C11orf54: variants seen among roughly 807,000 people sequenced by gnomAD.
The protein encoded by C11orf54 is beta-keto-L-gulonate decarboxylase, also known as beta-keto L-gulonate decarboxylase.
C11orf54 carries 29 observed loss-of-function variants against 35.5 expected under a neutral mutation model. That is an observed-to-expected ratio of 0.82 (90% confidence interval 0.61 to 1.11). The LOEUF (loss-of-function observed/expected upper bound fraction) is 1.11. Among genes scored for constraint, C11orf54 ranks in the 50% most tolerant of loss-of-function variants. The pLI is 0.00. For missense variants in C11orf54, 373 were observed against 369.2 expected (o/e 1.01, Z -0.08); for synonymous variants, 108 against 121.1 (o/e 0.89, Z 0.71).
chr11:93,751,281 C>T (rs1423315769), intron 3 of C11orf54, among the ~76,000 whole-genome samples: 1 of 151,986 alleles, frequency 6.6e-6, no homozygotes, highest in African/African-American at 2.4e-5. Context: ...TTTTTGGGGG[C>T]CTTTACAGCT....
At chr11:93,744,796 G>A (rs1942354577) in intron 1 of C11orf54, among the ~76,000 whole-genome samples, 1 of 152,216 alleles carries the variant, frequency 6.6e-6, no homozygotes, top group Non-Finnish European at 1.5e-5. Context: ...AAAGAACAGT[G>A]GGCCCAGAGG....
At chr11:93,758,176 C>T (rs1943253269) in intron 7 of C11orf54, among the ~76,000 whole-genome samples, 1 of 152,164 alleles carries the variant, frequency 6.6e-6, no homozygotes, top group African/African-American at 2.4e-5. Context: ...AGCAGGGAGG[C>T]ACGGCTGAGG....
chr11:93,747,182 A>G (rs1008298442), intron 1 of C11orf54, 115 bp from the exon 2 acceptor site: 35 of 373,454 alleles, frequency 9.4e-5, no homozygotes, highest in African/African-American at 4.0e-4. Flanking sequence ...CCACTTGTCT[A>G]TTTCTCACTT....
In C11orf54 at chr11:93,741,689, A is replaced by G. The variant is rs1288527007; in HGVS notation, c.-137A>G. 1 of 356,116 alleles carries G rather than the reference A, an allele frequency of 2.8e-6. No individual in the cohort carries two copies. The highest frequency in any genetic ancestry group is 5.5e-6 in the Non-Finnish European group (1 of 180,338). 22.1% of individuals were successfully genotyped at this position (356,116 alleles called of 1,614,324 possible). A position where few individuals can be genotyped will look rare whatever the true frequency, so the allele number is the denominator to read the frequency against. On this transcript the variant is annotated 5_prime_UTR_variant, in exon 1 of 9. Coordinates refer to ENST00000354421, the MANE Select transcript of C11orf54 (RefSeq NM_001286069.2). ...GAGGAGGCGGGGTTGGCCTAGGCGA[A>G]GATCCGGACTCTGGGTGTTTTGCTA...
In C11orf54 at chr11:93,762,076, G is replaced by A. The variant is rs1943506925; in HGVS notation, c.*388G>A. On this transcript the variant is annotated 3_prime_UTR_variant, in exon 9 of 9. Coordinates refer to ENST00000354421, the MANE Select transcript of C11orf54 (RefSeq NM_001286069.2). ...ATATTCTTTAATTTTTTACATAGCA[G>A]CTTTATTTTTTTTATTCTGTAGTAT... The A allele has an allele frequency of 6.5e-6, 1 of 152,708 alleles. No homozygotes were observed. Among genetic ancestry groups the A allele is most frequent in the Admixed American group, 6.5e-5 (1 of 15,278 alleles). 9.5% of individuals were successfully genotyped at this position (152,708 alleles called of 1,614,324 possible). A position where few individuals can be genotyped will look rare whatever the true frequency, so the allele number is the denominator to read the frequency against.
intron 2 of C11orf54, among the ~76,000 whole-genome samples, chr11:93,750,106 G>A (rs900665902): frequency 3.9e-5 from 6 of 152,172 alleles, no homozygotes; most frequent in African/African-American, 1.4e-4. Context: ...CACAAGTGCA[G>A]GCTGTTTATC....
chr11:93,757,484 A>C lies in C11orf54; in HGVS notation c.657+19A>C. 1 of 1,589,978 alleles carries C rather than the reference A, an allele frequency of 6.3e-7. No homozygotes were observed. The highest frequency in any genetic ancestry group is 8.5e-7 in the Non-Finnish European group (1 of 1,176,832). ...CATTATGGTAAGAGCCCATGTGTGC[A>C]TACATGCATGAAGGAGTTTGTGTGT... On this transcript the variant is annotated intron_variant, in intron 7 of 8. Coordinates refer to ENST00000354421, the MANE Select transcript of C11orf54 (RefSeq NM_001286069.2).
At chr11:93,758,204 C>A in intron 7 of C11orf54, among the ~76,000 whole-genome samples, 1 of 152,254 alleles carries the variant, frequency 6.6e-6, no homozygotes, top group Non-Finnish European at 1.5e-5. Flanking sequence ...CTCTATGGAG[C>A]GGGTGGGAGC....
intron 2 of C11orf54, among the ~76,000 whole-genome samples, chr11:93,748,585 C>T (rs1269269396): frequency 6.6e-6 from 1 of 152,072 alleles, no homozygotes; most frequent in Non-Finnish European, 1.5e-5. Flanking sequence ...CCTGTAATCT[C>T]AATACTTTAG....
chr11:93,753,157 A>G (rs1942937198), intron 3 of C11orf54, among the ~76,000 whole-genome samples: 1 of 151,762 alleles, frequency 6.6e-6, no homozygotes, highest in Non-Finnish European at 1.5e-5. Context: ...TAATTTTTCT[A>G]TTTTTAGTAG....
At chr11:93,756,327 A>AG (rs1392153441) in intron 6 of C11orf54, among the ~76,000 whole-genome samples, 2 of 151,208 alleles carry the variant, frequency 1.3e-5, no homozygotes, top group Non-Finnish European at 2.9e-5. Context: ...AAAAAAAAAA[A>AG]AAATTTTTTT....
rs1369476402 is a variant in C11orf54 at position 93,747,521 on chromosome 11, C to A, written c.55+73C>A. ...AATTCTTTTAAAAAGATTCTAAGAT[C>A]TATCTATATCTTACTACTTATGTAT... is the stretch of plus-strand genomic sequence containing the variant. On this transcript the variant is annotated intron_variant, in intron 2 of 8. Coordinates refer to ENST00000354421, the MANE Select transcript of C11orf54 (RefSeq NM_001286069.2). The A allele has an allele frequency of 6.3e-6, 7 of 1,110,976 alleles. No homozygotes were observed. In the Admixed American group the frequency reaches 7.1e-5, roughly 11 times the overall value. 68.8% of individuals were successfully genotyped at this position (1,110,976 alleles called of 1,614,324 possible). A position where few individuals can be genotyped will look rare whatever the true frequency, so the allele number is the denominator to read the frequency against.
intron 7 of C11orf54, among the ~76,000 whole-genome samples, chr11:93,758,224 G>A (rs1272959369): frequency 3.3e-5 from 5 of 152,210 alleles, no homozygotes; most frequent in Non-Finnish European, 5.9e-5. Flanking sequence ...CTGAAGACAG[G>A]TGGGAGTCCT....
intron 2 of C11orf54, among the ~76,000 whole-genome samples, chr11:93,749,513 A>AAC (rs990611608): frequency 1.8e-4 from 27 of 151,052 alleles, no homozygotes; most frequent in East Asian, 7.8e-4. Context: ...TCAAAAAAAA[A>AAC]AAAAAAAAAA....
At chr11:93,761,396 C>A in intron 8 of C11orf54, 119 bp from the exon 9 acceptor site, 1 of 891,618 alleles carries the variant, frequency 1.1e-6, no homozygotes, top group Non-Finnish European at 1.7e-6. Flanking sequence ...GAATTTAGAA[C>A]ATGTGAATGT....
intron 7 of C11orf54, among the ~76,000 whole-genome samples, chr11:93,759,290 A>G (rs1943330903): frequency 6.6e-6 from 1 of 152,242 alleles, no homozygotes; most frequent in Admixed American, 6.5e-5. Context: ...TGTGGTACAT[A>G]TACACCATGG....
chr11:93,753,801 G>T, intron 4 of C11orf54, 46 bp downstream of exon 4: 1 of 1,592,284 alleles, frequency 6.3e-7, no homozygotes, highest in South Asian at 1.1e-5. Context: ...TGTAGAAGTT[G>T]GGTTGATTAC....
chr11:93,758,461 T>C (rs974929580), intron 7 of C11orf54, among the ~76,000 whole-genome samples: 1 of 152,158 alleles, frequency 6.6e-6, no homozygotes, highest in African/African-American at 2.4e-5. Context: ...GCCCAAACCG[T>C]GGCTGCGGAC....
chr11:93,760,186 C>T (rs1175871536), intron 8 of C11orf54, among the ~76,000 whole-genome samples: 2 of 152,122 alleles, frequency 1.3e-5, no homozygotes, highest in Non-Finnish European at 2.9e-5. Flanking sequence ...CTCAGGTGAT[C>T]CACCCACCTC....
Sources: gnomAD v4.1 joint callset for allele counts (sites outside exome capture counted in the v4.1 genomes callset) on GRCh38, gnomAD v4.1.1 for gene constraint, MANE v1.5 for transcripts, NCBI Gene and HGNC (gene_info 2026-07-23, HGNC 2026-07-21) for gene names.